The following NELL2 variants were observed in gnomAD, a reference collection of about 807,000 sequenced individuals.
The protein encoded by NELL2 is neural EGFL like 2.
NELL2 carries 41 observed loss-of-function variants against 109.6 expected under a neutral mutation model. The observed-to-expected ratio is 0.37, with a 90% CI of 0.29 to 0.49. NELL2 has a LOEUF of 0.49. Among genes scored for constraint, NELL2 ranks in the 20% least tolerant of loss-of-function variants. The pLI, the probability that NELL2 is intolerant of heterozygous loss-of-function variation, is 0.98. For missense variants in NELL2, 900 were observed against 1,008.3 expected, an observed-to-expected ratio of 0.89 and a Z score of 1.45; for synonymous variants, 355 against 344.7, an observed-to-expected ratio of 1.03 and a Z score of -0.33.
intron 19 of NELL2, among the ~76,000 whole-genome samples, chr12:44,518,746 T>G (rs144859892): frequency 3.7e-4 from 56 of 152,348 alleles, no homozygotes; most frequent in Non-Finnish European, 7.2e-4. Context: ...ATTTGGTAAT[T>G]AAATGACAGA....
At chr12:44,799,127 T>G (rs2136648590) in intron 3 of NELL2, among the ~76,000 whole-genome samples, 1 of 151,760 alleles carries the variant, frequency 6.6e-6, no homozygotes, top group Non-Finnish European at 1.5e-5. Context: ...CCTGGCTAAT[T>G]TTTTATATTT....
intron 12 of NELL2, among the ~76,000 whole-genome samples, chr12:44,700,135 T>C (rs1198819766): frequency 6.6e-6 from 1 of 152,150 alleles, no homozygotes; most frequent in African/African-American, 2.4e-5. Context: ...TCCAGAAACC[T>C]GGGAATCAAC....
At chr12:44,547,316 C>G (rs1296612084) in intron 15 of NELL2, among the ~76,000 whole-genome samples, 1 of 152,172 alleles carries the variant, frequency 6.6e-6, no homozygotes, top group East Asian at 1.9e-4. Flanking sequence ...AGTGATGAGA[C>G]AGTGATTAAA....
At chr12:44,687,176 T>A (rs1308897678) in intron 12 of NELL2, among the ~76,000 whole-genome samples, 2 of 152,224 alleles carry the variant, frequency 1.3e-5, no homozygotes, top group Non-Finnish European at 2.9e-5. Context: ...TTCCAGGTGC[T>A]GTCTGTCACC....
intron 13 of NELL2, among the ~76,000 whole-genome samples, chr12:44,644,580 GTATATATATATATATATATATA>G (rs138161908): frequency 1.2e-5 from 1 of 84,394 alleles, no homozygotes; most frequent in Non-Finnish European, 2.3e-5. Context: ...ACAAAGTAAA[GTATATATATATATATATATATA>G]TGTATGTATA....
At chr12:44,856,550 C>T (rs925298568) in intron 2 of NELL2, among the ~76,000 whole-genome samples, 6 of 152,018 alleles carry the variant, frequency 3.9e-5, no homozygotes, top group Admixed American at 2.6e-4. Context: ...AGAAGTAAGG[C>T]GGAAAACATG....
At chr12:44,691,321 A>T (rs184516166) in intron 12 of NELL2, among the ~76,000 whole-genome samples, 59 of 152,232 alleles carry the variant, frequency 3.9e-4, no homozygotes, top group African/African-American at 1.3e-3. Context: ...GTTATCTGTG[A>T]ATAATGGTCT....
intron 1 of NELL2, among the ~76,000 whole-genome samples, chr12:44,895,527 G>T (rs1945583042): frequency 6.6e-6 from 1 of 152,082 alleles, no homozygotes; most frequent in Non-Finnish European, 1.5e-5. Context: ...CAAACACATG[G>T]AGGAACCATT....
At chr12:44,719,981 A>C (rs541668135) in intron 9 of NELL2, among the ~76,000 whole-genome samples, 16 of 152,284 alleles carry the variant, frequency 1.1e-4, no homozygotes, top group Non-Finnish European at 8.8e-5. Flanking sequence ...AAGTGTTTTA[A>C]TATTCTTAAA....
At chr12:44,690,029 A>G (rs777707460) in intron 12 of NELL2, among the ~76,000 whole-genome samples, 10 of 152,320 alleles carry the variant, frequency 6.6e-5, no homozygotes, top group Middle Eastern at 3.4e-3. Context: ...AAAGACATCA[A>G]TGTAAAACTA....
intron 13 of NELL2, among the ~76,000 whole-genome samples, chr12:44,630,202 G>A (rs550844497): frequency 9.9e-5 from 15 of 152,208 alleles, no homozygotes; most frequent in South Asian, 8.3e-4. Flanking sequence ...GCTATTTGTT[G>A]AGCACTTACA....
intron 9 of NELL2, among the ~76,000 whole-genome samples, chr12:44,721,805 AAC>A (rs1252144354): frequency 6.6e-6 from 1 of 152,128 alleles, no homozygotes. Flanking sequence ...GCTCTTTTAT[AAC>A]AGTTTCTGGT....
intron 12 of NELL2, among the ~76,000 whole-genome samples, chr12:44,686,184 C>T (rs1486414862): frequency 6.6e-6 from 1 of 152,180 alleles, no homozygotes; most frequent in Non-Finnish European, 1.5e-5. Flanking sequence ...ATCGCTGATA[C>T]CCTTTCTTCC....
At chr12:44,614,703 G>A (rs1945755180) in intron 13 of NELL2, among the ~76,000 whole-genome samples, 1 of 152,016 alleles carries the variant, frequency 6.6e-6, no homozygotes, top group Non-Finnish European at 1.5e-5. Flanking sequence ...AGTGTCATCA[G>A]TCATAATAAC....
intron 5 of NELL2, among the ~76,000 whole-genome samples, chr12:44,778,425 AT>A (rs1941831729): frequency 6.6e-6 from 1 of 152,306 alleles, no homozygotes; most frequent in East Asian, 1.9e-4. Context: ...AAACAAGGCT[AT>A]CGTGTACGGT....
chr12:44,849,087 A>G (rs990305356), intron 2 of NELL2, among the ~76,000 whole-genome samples: 1 of 152,224 alleles, frequency 6.6e-6, no homozygotes, highest in Non-Finnish European at 1.5e-5. Flanking sequence ...ACATTGGGAA[A>G]CAGGAACTCA....
chr12:44,766,143 T>C (rs955318421), intron 9 of NELL2, among the ~76,000 whole-genome samples: 1 of 152,124 alleles, frequency 6.6e-6, no homozygotes, highest in African/African-American at 2.4e-5. Flanking sequence ...CAATCATCTC[T>C]AAATTGAAAA....
chr12:44,855,104 C>T (rs988000956), intron 2 of NELL2, among the ~76,000 whole-genome samples: 26 of 152,126 alleles, frequency 1.7e-4, no homozygotes, highest in Non-Finnish European at 3.5e-4. Flanking sequence ...AAGTCTTCAG[C>T]ACCTAGTATG....
chr12:44,545,894 T>A (rs1351789421), intron 15 of NELL2, among the ~76,000 whole-genome samples: 2 of 152,110 alleles, frequency 1.3e-5, no homozygotes, highest in African/African-American at 4.8e-5. Flanking sequence ...ATAGCAAAGA[T>A]TAGATTGAAT....
Sources: gnomAD v4.1 joint callset for allele counts (sites outside exome capture counted in the v4.1 genomes callset) on GRCh38, gnomAD v4.1.1 for gene constraint, MANE v1.5 for transcripts, NCBI Gene and HGNC (gene_info 2026-07-23, HGNC 2026-07-21) for gene names.